Variants in ZNF488 observed in about 807,000 individuals in gnomAD.
ZNF488 encodes the protein zinc finger protein 488.
ZNF488 carries 1 observed loss-of-function variant against 1.2 expected under a neutral mutation model. The ratio of observed to expected loss-of-function variants is 0.86; its 90% CI spans 0.30 to 4.07. ZNF488 has a LOEUF of 4.07. ZNF488 is among the 30% of genes most tolerant of loss of function. ZNF488 has a pLI of 0.18. For synonymous variants in ZNF488, 185 were observed against 190.1 expected, an observed-to-expected ratio of 0.97 and a Z score of 0.22; for missense variants, 450 against 437.9, an observed-to-expected ratio of 1.03 and a Z score of -0.25.
Position 47,367,011 on chromosome 10 carries a change from C to T in ZNF488, c.*796G>A, listed in dbSNP as rs1588871632. 6.0e-6 allele frequency: 1 copy of T among 167,028 alleles called. No homozygotes were observed. The highest frequency in any genetic ancestry group is 2.1e-4 in the South Asian group (1 of 4,822). 10.3% of individuals were successfully genotyped at this position (167,028 alleles called of 1,614,324 possible). ...CTTAATATTGGGCCTGGTCCTGCCA[C>T]TTGTATGGGCTGAGAGGACATTGGC... On this transcript the variant is annotated 3_prime_UTR_variant, in exon 2 of 2. Coordinates refer to ENST00000585316, the MANE Select transcript of ZNF488 (RefSeq NM_153034.4).
chr10:47,368,845 G>C lies in ZNF488; in HGVS notation c.-16C>G, dbSNP rs200594636. ...ACTCTGGCATTCATCAGTCTTTGGG[G>C]GTTTGGGGTTCTGGAGGGCTTGGCC... On this transcript the variant is annotated 5_prime_UTR_variant, in exon 2 of 2. Coordinates refer to ENST00000585316, the MANE Select transcript of ZNF488 (RefSeq NM_153034.4). The C allele has an allele frequency of 2.0e-5, 31 of 1,562,344 alleles. No individual in the cohort carries two copies. Among genetic ancestry groups the C allele is most frequent in the Non-Finnish European group, 2.2e-5 (26 of 1,156,222 alleles).
At chr10:47,382,698 T>C (rs1173497032) in intron 1 of ZNF488, among the ~76,000 whole-genome samples, 1 of 152,238 alleles carries the variant, frequency 6.6e-6, no homozygotes, top group Non-Finnish European at 1.5e-5. Flanking sequence ...ATCTAGCATA[T>C]GCAAATTCTT....
At chr10:47,370,906 C>T (rs1161770686) in intron 1 of ZNF488, among the ~76,000 whole-genome samples, 1 of 152,204 alleles carries the variant, frequency 6.6e-6, no homozygotes, top group Admixed American at 6.5e-5. Flanking sequence ...TTCCCTCTTC[C>T]GTTCATTCCG....
At chr10:47,375,020 A>G (rs1555214256) in intron 1 of ZNF488, among the ~76,000 whole-genome samples, 2 of 152,216 alleles carry the variant, frequency 1.3e-5, no homozygotes, top group African/African-American at 4.8e-5. Flanking sequence ...TTACTGTGGC[A>G]CTTAATAAAG....
chr10:47,376,963 G>A (rs1028540177), intron 1 of ZNF488, among the ~76,000 whole-genome samples: 6 of 152,170 alleles, frequency 3.9e-5, no homozygotes, highest in Non-Finnish European at 7.3e-5. Context: ...CCAAAACACC[G>A]TCAGGGCTGC....
chr10:47,377,292 G>A (rs1008089615), intron 1 of ZNF488, among the ~76,000 whole-genome samples: 1 of 152,162 alleles, frequency 6.6e-6, no homozygotes, highest in Non-Finnish European at 1.5e-5. Flanking sequence ...AGCTGCTTAT[G>A]TGTGCCTGGT....
chr10:47,373,901 C>T (rs564422071), intron 1 of ZNF488, among the ~76,000 whole-genome samples: 2 of 152,378 alleles, frequency 1.3e-5, no homozygotes, highest in African/African-American at 2.4e-5. Context: ...GAACACCAAA[C>T]ATTCTGCTCT....
At chr10:47,377,602 A>T (rs12248511) in intron 1 of ZNF488, among the ~76,000 whole-genome samples, 11,265 of 46,422 alleles carry the variant, frequency 0.24, 492 homozygotes, top group East Asian at 0.45. Flanking sequence ...TAACAATCTC[A>T]CACACACACA....
chr10:47,367,572 T>G lies in ZNF488; in HGVS notation c.*235A>C. On this transcript the variant is annotated 3_prime_UTR_variant, in exon 2 of 2. Coordinates refer to ENST00000585316, the MANE Select transcript of ZNF488 (RefSeq NM_153034.4). ...GAGTTGCCCCTGCTCTCTGTGCCTG[T>G]TAGGGCCTCTACCCTGGATTTGCAA... 1.7e-6 allele frequency: 1 copy of G among 582,158 alleles called. No individual in the cohort carries two copies. The highest frequency in any genetic ancestry group is 3.1e-6 in the Non-Finnish European group (1 of 326,712). The allele number at this position is 582,158 out of a possible 1,614,324, so 36.1% of individuals were successfully genotyped here. A position where few individuals can be genotyped will look rare whatever the true frequency, so the allele number is the denominator to read the frequency against.
At chr10:47,381,652 GACT>G (rs1837962341) in intron 1 of ZNF488, among the ~76,000 whole-genome samples, 1 of 148,500 alleles carries the variant, frequency 6.7e-6, no homozygotes, top group African/African-American at 2.5e-5. Flanking sequence ...AAGTGCAGGA[GACT>G]GCGAACACAG....
chr10:47,382,169 G>T lies in ZNF488; in HGVS notation c.-109+2051C>A, dbSNP rs570967997. On this transcript the variant is annotated intron_variant, in intron 1 of 1. Transcript: ENST00000585316. ...GCACTCACGGACAGGACTCAACAGG[G>T]CTCTGTGCATGCCAGATAGCAAGAG... Among the ~76,000 whole-genome samples the T allele has an allele frequency of 5.3e-5, 8 of 152,222 alleles. No individual in the cohort carries two copies. In the South Asian group the frequency reaches 1.4e-3, roughly 28 times the overall value.
chr10:47,382,013 C>G (rs1462876085), intron 1 of ZNF488, among the ~76,000 whole-genome samples: 2 of 152,266 alleles, frequency 1.3e-5, no homozygotes, highest in South Asian at 4.1e-4. Context: ...CTGAATTAGC[C>G]CTGGTCACTC....
rs1467771430 is a variant in ZNF488 at position 47,365,905 on chromosome 10, A to T, written c.*1902T>A. The T allele has an allele frequency of 1.8e-5, 3 of 167,176 alleles. No individual in the cohort carries two copies. In the Admixed American group the frequency reaches 2.0e-4, roughly 11 times the overall value. 10.4% of individuals were successfully genotyped at this position (167,176 alleles called of 1,614,324 possible). A position where few individuals can be genotyped will look rare whatever the true frequency, so the allele number is the denominator to read the frequency against. On this transcript the variant is annotated 3_prime_UTR_variant, in exon 2 of 2. Transcript: ENST00000585316. ...CAGTGGAACAGCAGCGAGGTGGTAT[A>T]GCGGGGTCCCCTCTGCCCACTGCCA...
intron 1 of ZNF488, among the ~76,000 whole-genome samples, chr10:47,377,203 G>T (rs782025403): frequency 6.6e-6 from 1 of 152,170 alleles, no homozygotes; most frequent in Non-Finnish European, 1.5e-5. Context: ...CGATCTCTAC[G>T]ACAAGAGCAG....
In ZNF488 at chr10:47,367,918, C is replaced by A; in HGVS notation, c.912G>T (p.Gly304=). ...MRSHHKKEHA[G]PDPHSQKRRE... is the part of the protein sequence containing the mutation. ...TCCGCTTCTGAGAATGTGGGTCAGG[C>A]CCCGCATGCTCCTTTTTGTGGTGGG... The change falls in exon 2 of 2, where the codon GGG becomes GGT. Residue 304 remains glycine (G), a synonymous_variant. Coordinates refer to ENST00000585316, the MANE Select transcript of ZNF488 (RefSeq NM_153034.4). The A allele has an allele frequency of 6.2e-7, 1 of 1,614,100 alleles. No homozygotes were observed. The highest frequency in any genetic ancestry group is 8.5e-7 in the Non-Finnish European group (1 of 1,180,044).
chr10:47,371,132 G>A (rs1281676314), intron 1 of ZNF488, among the ~76,000 whole-genome samples: 2 of 152,200 alleles, frequency 1.3e-5, no homozygotes, highest in Non-Finnish European at 2.9e-5. Flanking sequence ...CCTGTGGTGT[G>A]GAAAACCTGA....
At position 47,367,105 on chromosome 10, in the gene ZNF488, C is replaced by T. The variant is rs17095800; in HGVS notation, c.*702G>A. 0.033 allele frequency: 5,445 copies of T among 167,216 alleles called. 336 individuals are homozygous for T. Among genetic ancestry groups the T allele is most frequent in the African/African-American group, 0.12 (5,177 of 41,510 alleles). The allele number at this position is 167,216 out of a possible 1,614,324, so 10.4% of individuals were successfully genotyped here. ...CCCTCCTGTGTTCTTGGCATGACCA[C>T]GAGAGAAGCGTGCTCGCTCTGGGTA... On this transcript the variant is annotated 3_prime_UTR_variant, in exon 2 of 2. Coordinates refer to ENST00000585316, the MANE Select transcript of ZNF488 (RefSeq NM_153034.4).
rs1484930426 is a variant in ZNF488 at position 47,367,739 on chromosome 10, A to G, written c.*68T>C. 2 of 1,523,328 alleles carry G rather than the reference A, an allele frequency of 1.3e-6. No homozygotes were observed. Among genetic ancestry groups the G allele is most frequent in the African/African-American group, 2.8e-5 (2 of 72,112 alleles). 94.4% of individuals were successfully genotyped at this position (1,523,328 alleles called of 1,614,324 possible). A position where few individuals can be genotyped will look rare whatever the true frequency, so the allele number is the denominator to read the frequency against. On this transcript the variant is annotated 3_prime_UTR_variant, in exon 2 of 2. Coordinates refer to ENST00000585316, the MANE Select transcript of ZNF488 (RefSeq NM_153034.4). ...AGGACCATGACAGCCCCCTCAACGC[A>G]GGCCCAGGGAGCCCCCCTCTGCCAA... is the stretch of plus-strand genomic sequence containing the variant.
chr10:47,381,730 T>C (rs1162757179), intron 1 of ZNF488, among the ~76,000 whole-genome samples: 3 of 148,750 alleles, frequency 2.0e-5, no homozygotes, highest in African/African-American at 7.8e-5. Context: ...TCGACCCTCA[T>C]AGGGGTGGAT....
Sources: allele counts gnomAD v4.1 joint callset (sites outside exome capture counted in the v4.1 genomes callset), GRCh38; gene constraint gnomAD v4.1.1; transcripts MANE v1.5; gene names NCBI Gene and HGNC (gene_info 2026-07-23, HGNC 2026-07-21).